The following EPB41L4A variants were observed in gnomAD, a reference collection of about 807,000 sequenced individuals.
The protein encoded by EPB41L4A is erythrocyte membrane protein band 4.1 like 4A.
In EPB41L4A, 100 loss-of-function variants were observed where a neutral mutation model predicts 108.6. The observed-to-expected ratio is 0.92, with a 90% CI of 0.78 to 1.09. The LOEUF is 1.09. EPB41L4A is among the 50% of genes least tolerant of loss of function. The pLI, the probability that EPB41L4A is intolerant of heterozygous loss-of-function variation, is 0.00. For synonymous variants in EPB41L4A, 319 were observed against 289.0 expected, an observed-to-expected ratio of 1.10 and a Z score of -1.05; for missense variants, 1,030 against 842.7, an observed-to-expected ratio of 1.22 and a Z score of -2.75.
rs370791654 is a variant in EPB41L4A, at chr5:112,264,972, C to G, written c.478G>C (p.Val160Leu). The G allele has an allele frequency of 1.4e-5, 22 of 1,611,488 alleles. 1 individual carries two copies. In the African/African-American group the frequency reaches 2.1e-4, roughly 16 times the overall value. The change falls in exon 6 of 23, where the codon GTA becomes CTA. Residue 160 changes from valine (V) to leucine (L), a missense_variant. By Grantham distance (32) the Val-to-Leu change is conservative. Coordinates refer to ENST00000261486, the MANE Select transcript of EPB41L4A (RefSeq NM_022140.5). The stretch of plus-strand genomic sequence containing the variant: ...TCAGGAACAAACCGGTACTCAGATA[C>G]ATATCCTGCAGTATGTTTATATGGG... ...YDPYKHTAGYVSEYRFVPDQK... is the reference protein window; with the variant it reads ...YDPYKHTAGYLSEYRFVPDQK...
chr5:112,261,169 C>G (rs1751461008), intron 7 of EPB41L4A, among the ~76,000 whole-genome samples: 1 of 152,158 alleles, frequency 6.6e-6, no homozygotes, highest in Admixed American at 6.5e-5. Context: ...CATTAATGAC[C>G]TAATGAAATT....
At chr5:112,299,344 C>T (rs1754206372) in intron 2 of EPB41L4A, among the ~76,000 whole-genome samples, 1 of 152,182 alleles carries the variant, frequency 6.6e-6, no homozygotes, top group Admixed American at 6.6e-5. Flanking sequence ...ATAGTTGTGT[C>T]ACTATTATCA....
chr5:112,276,135 T>C lies in EPB41L4A; in HGVS notation c.257-731A>G, dbSNP rs75704007. 3.3e-5 allele frequency among the ~76,000 whole-genome samples: 5 copies of C among 152,330 alleles called. No individual in the cohort carries two copies. In the East Asian group the frequency reaches 9.6e-4, roughly 29 times the overall value. On this transcript the variant is annotated intron_variant, in intron 3 of 22. Coordinates refer to ENST00000261486, the MANE Select transcript of EPB41L4A (RefSeq NM_022140.5). Reference sequence around the variant, plus strand: ...ACCTTTTTTTACAGGAAAAAAGTCATCAGTGAGGCTACATAATAAAATTAG... The same window carrying C: ...ACCTTTTTTTACAGGAAAAAAGTCACCAGTGAGGCTACATAATAAAATTAG...
At chr5:112,391,270 C>A (rs1411417322) in intron 1 of EPB41L4A, among the ~76,000 whole-genome samples, 1 of 152,154 alleles carries the variant, frequency 6.6e-6, no homozygotes, top group Non-Finnish European at 1.5e-5. Flanking sequence ...TAATAACAAA[C>A]TTCTCCAAGC....
intron 1 of EPB41L4A, among the ~76,000 whole-genome samples, chr5:112,357,916 C>T (rs1324310275): frequency 6.6e-6 from 1 of 152,206 alleles, no homozygotes; most frequent in African/African-American, 2.4e-5. Flanking sequence ...TGTCAATAAC[C>T]AGGTGAACAA....
At chr5:112,319,857 G>C (rs1326458658) in intron 1 of EPB41L4A, among the ~76,000 whole-genome samples, 1 of 152,154 alleles carries the variant, frequency 6.6e-6, no homozygotes, top group Non-Finnish European at 1.5e-5. Context: ...GTTCTGCCAT[G>C]ATGATGTACT....
upstream of EPB41L4A, chr5:112,419,662 G>T (rs572039084): frequency 2.2e-6 from 1 of 456,436 alleles, no homozygotes; most frequent in Non-Finnish European, 4.4e-6. Flanking sequence ...GGGCGCAGGG[G>T]CAGAGGCGAA....
upstream of EPB41L4A, chr5:112,419,819 A>T: frequency 2.2e-6 from 1 of 456,756 alleles, no homozygotes; most frequent in Non-Finnish European, 4.4e-6. Flanking sequence ...GGGACTCCCG[A>T]GCTCATTACG....
chr5:112,287,998 T>G (rs1199771903), intron 2 of EPB41L4A, among the ~76,000 whole-genome samples: 1 of 152,202 alleles, frequency 6.6e-6, no homozygotes, highest in Non-Finnish European at 1.5e-5. Context: ...AAAATAAAAC[T>G]TTCGCATTCC....
intron 14 of EPB41L4A, 21 bp downstream of exon 14, chr5:112,205,399 TA>T: frequency 1.9e-6 from 3 of 1,598,550 alleles, no homozygotes; most frequent in East Asian, 2.2e-5. Flanking sequence ...GTCTCCTTTA[TA>T]AAAACAATGA....
At chr5:112,157,814 G>C (rs1272666381), downstream of EPB41L4A, among the ~76,000 whole-genome samples, 1 of 152,210 alleles carries the variant, frequency 6.6e-6, no homozygotes, top group Non-Finnish European at 1.5e-5. Context: ...CTTTTGGGGA[G>C]AGATTATTAT....
intron 22 of EPB41L4A, among the ~76,000 whole-genome samples, chr5:112,165,844 C>G (rs536863420): frequency 6.6e-6 from 1 of 152,252 alleles, no homozygotes; most frequent in African/African-American, 2.4e-5. Context: ...AAATAAATCC[C>G]TCTTAAAATG....
At chr5:112,350,825 G>A (rs1222530359) in intron 1 of EPB41L4A, among the ~76,000 whole-genome samples, 2 of 152,244 alleles carry the variant, frequency 1.3e-5, no homozygotes, top group Admixed American at 1.3e-4. Flanking sequence ...TAGCTGAATA[G>A]TATTCTATTG....
chr5:112,188,766 C>A (rs1227980263), intron 17 of EPB41L4A, among the ~76,000 whole-genome samples: 2 of 152,100 alleles, frequency 1.3e-5, no homozygotes, highest in African/African-American at 2.4e-5. Context: ...GGCAAGGAAG[C>A]GGTTACCTAT....
chr5:112,356,337 G>A (rs561800898), intron 1 of EPB41L4A, among the ~76,000 whole-genome samples: 26 of 152,188 alleles, frequency 1.7e-4, no homozygotes, highest in African/African-American at 5.5e-4. Context: ...ACTTAAGGGT[G>A]GTAACTCCTA....
At position 112,165,053 on chromosome 5, in the gene EPB41L4A, A is replaced by G. The variant is rs745486168; in HGVS notation, c.1998T>C (p.Ala666=). 7 of 1,613,892 alleles carry G rather than the reference A, an allele frequency of 4.3e-6. No homozygotes were observed. The African/African-American group carries it at 6.7e-5, about 15-fold the overall frequency. Residue 666 remains alanine (A), a synonymous_variant, in exon 23 of 23, where the codon GCT becomes GCC. Transcript: ENST00000261486. ...EKPQTSTNNL[A]GKHTAKTIKT... ...TTATTGTTTTTGCTGTGTGTTTTCC[A>G]GCCAGGTTGTTTGTAGATGTCTGAG...
intron 2 of EPB41L4A, among the ~76,000 whole-genome samples, chr5:112,299,485 T>C (rs928630199): frequency 2.6e-5 from 4 of 152,146 alleles, no homozygotes; most frequent in Non-Finnish European, 4.4e-5. Context: ...CATGCACTGA[T>C]GAATAAAATG....
chr5:112,161,357 A>G (rs1759888618), downstream of EPB41L4A: 1 of 406,606 alleles, frequency 2.5e-6, no homozygotes, highest in Non-Finnish European at 4.9e-6. Context: ...TTCACTTTTC[A>G]TTATTAAGTC....
chr5:112,241,465 T>A (rs1039212951), intron 9 of EPB41L4A, among the ~76,000 whole-genome samples: 1 of 152,090 alleles, frequency 6.6e-6, no homozygotes, highest in African/African-American at 2.4e-5. Context: ...AAGTAAGAAA[T>A]AAAACAACAT....
Sources: gnomAD v4.1 joint callset for allele counts (sites outside exome capture counted in the v4.1 genomes callset) on GRCh38, gnomAD v4.1.1 for gene constraint, MANE v1.5 for transcripts, NCBI Gene and HGNC (gene_info 2026-07-23, HGNC 2026-07-21) for gene names.